C6orf89: variants seen among roughly 807,000 people sequenced by gnomAD.
C6orf89 encodes the protein chromosome 6 open reading frame 89.
C6orf89 carries 29 observed loss-of-function variants against 40.7 expected under a neutral mutation model. The ratio of observed to expected loss-of-function variants is 0.71; its 90% CI spans 0.53 to 0.97. The LOEUF is 0.97. Among genes scored for constraint, C6orf89 ranks in the 50% least tolerant of loss-of-function variants. The probability of loss-of-function intolerance (pLI) is 0.00; values close to 1 mark genes in which losing one functional copy is unlikely to be tolerated. For missense variants in C6orf89, 392 were observed against 429.1 expected (o/e 0.91, Z 0.76); for synonymous variants, 165 against 152.2 (o/e 1.08, Z -0.62).
intron 1 of C6orf89, among the ~76,000 whole-genome samples, chr6:36,888,575 A>C (rs1775078608): frequency 6.6e-6 from 1 of 152,216 alleles, no homozygotes; most frequent in Admixed American, 6.5e-5. Context: ...CAGAGGTTGC[A>C]GTGAGCTGAG....
At chr6:36,890,425 C>T (rs1761153724) in intron 1 of C6orf89, among the ~76,000 whole-genome samples, 1 of 152,128 alleles carries the variant, frequency 6.6e-6, no homozygotes, top group South Asian at 2.1e-4. Context: ...TGGCTTATTT[C>T]ACTTAGCATA....
intron 4 of C6orf89, among the ~76,000 whole-genome samples, chr6:36,903,761 C>A (rs1020517841): frequency 1.5e-4 from 23 of 152,064 alleles, no homozygotes; most frequent in Non-Finnish European, 2.5e-4. Context: ...TTTTTGTATA[C>A]TTGAGGAAGT....
At chr6:36,900,348 T>A (rs1255072148) in intron 3 of C6orf89, among the ~76,000 whole-genome samples, 2 of 150,342 alleles carry the variant, frequency 1.3e-5, no homozygotes, top group Non-Finnish European at 3.0e-5. Context: ...ATTACAGCCA[T>A]GTGCCACCAC....
intron 1 of C6orf89, 110 bp downstream of exon 1, chr6:36,886,138 T>C: frequency 1.0e-6 from 1 of 978,740 alleles, no homozygotes; most frequent in Non-Finnish European, 1.3e-6. Context: ...GCTACCACCC[T>C]CTATCCCAGC....
At chr6:36,891,698 G>T (rs1392999131) in intron 1 of C6orf89, among the ~76,000 whole-genome samples, 1 of 152,132 alleles carries the variant, frequency 6.6e-6, no homozygotes, top group Admixed American at 6.5e-5. Context: ...TACTTCATGG[G>T]TAGTGTAATA....
chr6:36,891,266 AG>A (rs1761199311), intron 1 of C6orf89, among the ~76,000 whole-genome samples: 1 of 152,116 alleles, frequency 6.6e-6, no homozygotes, highest in African/African-American at 2.4e-5. Flanking sequence ...TCCTTGCGAT[AG>A]TTTGCTCAAA....
intron 8 of C6orf89, 109 bp downstream of exon 8, chr6:36,919,810 C>T: frequency 8.8e-7 from 1 of 1,131,362 alleles, no homozygotes; most frequent in Non-Finnish European, 1.2e-6. Flanking sequence ...TTAGTAGAAT[C>T]AAAAATAACA....
intron 1 of C6orf89, among the ~76,000 whole-genome samples, chr6:36,876,541 A>G (rs890737348): frequency 1.3e-5 from 2 of 152,128 alleles, no homozygotes; most frequent in African/African-American, 4.8e-5. Flanking sequence ...CCTGACCAAC[A>G]TGGTGAAACC....
chr6:36,902,556 AG>A, intron 4 of C6orf89, 122 bp downstream of exon 4: 1 of 818,580 alleles, frequency 1.2e-6, no homozygotes, highest in Non-Finnish European at 1.9e-6. Flanking sequence ...CTTTTAATTC[AG>A]TCCCCACTAA....
At chr6:36,888,452 T>C (rs757148183) in intron 1 of C6orf89, among the ~76,000 whole-genome samples, 1 of 152,058 alleles carries the variant, frequency 6.6e-6, no homozygotes, top group Non-Finnish European at 1.5e-5. Flanking sequence ...GCCAACATGG[T>C]GAAACCCATT....
chr6:36,901,640 G>A (rs1761719442), intron 3 of C6orf89, among the ~76,000 whole-genome samples: 1 of 140,728 alleles, frequency 7.1e-6, no homozygotes, highest in Admixed American at 7.3e-5. Context: ...GGCCCCCTTT[G>A]TGTATTATTA....
chr6:36,872,058 T>C, intron 1 of C6orf89: 1 of 517,526 alleles, frequency 1.9e-6, no homozygotes, highest in Non-Finnish European at 3.1e-6. Flanking sequence ...ATTATCTTTT[T>C]TGAGTAAAAC....
chr6:36,912,001 C>G (rs1762146189), intron 4 of C6orf89, among the ~76,000 whole-genome samples: 1 of 150,638 alleles, frequency 6.6e-6, no homozygotes, highest in Non-Finnish European at 1.5e-5. Context: ...TTTTCCCAGC[C>G]TCTCTCTTCT....
At chr6:36,903,194 TG>T (rs1761788644) in intron 4 of C6orf89, among the ~76,000 whole-genome samples, 1 of 152,084 alleles carries the variant, frequency 6.6e-6, no homozygotes, top group Non-Finnish European at 1.5e-5. Flanking sequence ...AAGACCAGCC[TG>T]GGCAACATAG....
chr6:36,895,826 T>C (rs988308796), intron 2 of C6orf89, among the ~76,000 whole-genome samples: 1 of 152,256 alleles, frequency 6.6e-6, no homozygotes, highest in African/African-American at 2.4e-5. Context: ...CACAAGTTTT[T>C]GTGTGGACAT....
At chr6:36,885,834 G>A, upstream of C6orf89, 2 of 426,864 alleles carry the variant, frequency 4.7e-6, no homozygotes, top group Non-Finnish European at 7.9e-6. Flanking sequence ...TCCCGCGCTC[G>A]CCACGACACT....
Position 36,923,514 on chromosome 6 carries a change from A to C in C6orf89, c.*73A>C. ...TGAAAGGGGAAAAATAAAAACAAAAACGATGAAACTGCTTTCTGGGGGTTG... is the reference window on the plus strand; with the variant it reads ...TGAAAGGGGAAAAATAAAAACAAAACCGATGAAACTGCTTTCTGGGGGTTG... On this transcript the variant is annotated 3_prime_UTR_variant, in exon 9 of 9. Transcript: ENST00000480824. 1 of 1,161,498 alleles carries C rather than the reference A, an allele frequency of 8.6e-7. No homozygotes were observed. The highest frequency in any genetic ancestry group is 1.3e-6 in the Non-Finnish European group (1 of 778,814). The allele number at this position is 1,161,498 out of a possible 1,614,324, so 71.9% of individuals were successfully genotyped here. A position where few individuals can be genotyped will look rare whatever the true frequency, so the allele number is the denominator to read the frequency against.
intron 2 of C6orf89, among the ~76,000 whole-genome samples, chr6:36,898,214 C>G (rs1445561946): frequency 6.6e-6 from 1 of 151,974 alleles, no homozygotes; most frequent in East Asian, 1.9e-4. Flanking sequence ...TCCCAGGTAG[C>G]TGGGACTACA....
rs10597547 is a variant in C6orf89 at position 36,903,225 on chromosome 6, T to TTG, written c.403+811_403+812dup. Among the ~76,000 whole-genome samples, 1,027 of 150,302 alleles carry TTG rather than the reference T, an allele frequency of 6.8e-3. 3 individuals are homozygous for TTG. Among genetic ancestry groups the TTG allele is most frequent in the African/African-American group, 0.018 (747 of 40,934 alleles). On this transcript the variant is annotated intron_variant, in intron 4 of 8. Transcript: ENST00000480824. ...ACATAGCGAGACCCTGCCTCCAATT[T>TTG]TGTGTGTGTGTGTGTGTGTGTAAAG... is the stretch of plus-strand genomic sequence containing the variant.
Sources: allele counts gnomAD v4.1 joint callset (sites outside exome capture counted in the v4.1 genomes callset), GRCh38; gene constraint gnomAD v4.1.1; transcripts MANE v1.5; gene names NCBI Gene and HGNC (gene_info 2026-07-23, HGNC 2026-07-21).